The following CEP112 variants were observed in gnomAD, a reference collection of about 807,000 sequenced individuals.
CEP112 encodes the protein centrosomal protein of 112 kDa.
Under a neutral mutation model 153.0 loss-of-function variants are expected in CEP112, and 127 were observed. That is an observed-to-expected ratio of 0.83 (90% CI 0.72 to 0.96). CEP112 has a LOEUF of 0.96. Among genes scored for constraint, CEP112 ranks in the 40% least tolerant of loss-of-function variants. The pLI is 0.00. For missense variants in CEP112, 1,089 were observed against 1,101.2 expected, an observed-to-expected ratio of 0.99 and a Z score of 0.16; for synonymous variants, 358 against 374.4, an observed-to-expected ratio of 0.96 and a Z score of 0.51.
chr17:66,146,435 ATC>A (rs1302337881), intron 4 of CEP112, among the ~76,000 whole-genome samples: 1 of 152,040 alleles, frequency 6.6e-6, no homozygotes, highest in East Asian at 1.9e-4. Flanking sequence ...CATCTGTAGG[ATC>A]TGTGTCAAGT....
chr17:65,840,886 A>C (rs2057491141), intron 21 of CEP112, among the ~76,000 whole-genome samples: 1 of 152,142 alleles, frequency 6.6e-6, no homozygotes, highest in African/African-American at 2.4e-5. Flanking sequence ...AATTGCCAAC[A>C]GGGCATGTGA....
intron 11 of CEP112, among the ~76,000 whole-genome samples, chr17:66,060,038 G>A (rs1157871850): frequency 1.3e-5 from 2 of 152,032 alleles, no homozygotes; most frequent in African/African-American, 4.8e-5. Flanking sequence ...GCAAATTAAT[G>A]CAGAAATAGA....
intron 12 of CEP112, among the ~76,000 whole-genome samples, chr17:66,042,217 G>A (rs537634380): frequency 6.6e-6 from 1 of 152,192 alleles, no homozygotes; most frequent in East Asian, 1.9e-4. Flanking sequence ...GGGCATGGTG[G>A]CACACACCTG....
chr17:65,826,640 G>C, intron 21 of CEP112: 1 of 900,940 alleles, frequency 1.1e-6, no homozygotes, highest in Non-Finnish European at 1.4e-6. Context: ...CTAGGACTTA[G>C]GGACAAGGCA....
chr17:65,953,857 G>C (rs1333451924), intron 18 of CEP112, among the ~76,000 whole-genome samples: 1 of 152,070 alleles, frequency 6.6e-6, no homozygotes, highest in African/African-American at 2.4e-5. Context: ...CCCACCTAGT[G>C]GTCTTTCTCT....
At chr17:65,851,709 T>C (rs1368083583) in intron 21 of CEP112, 95 bp downstream of exon 21, 2 of 858,062 alleles carry the variant, frequency 2.3e-6, no homozygotes, top group African/African-American at 3.4e-5. Flanking sequence ...TAATGCCATG[T>C]CTACTACCTT....
intron 24 of CEP112, among the ~76,000 whole-genome samples, chr17:65,651,292 T>C (rs2045759100): frequency 6.6e-6 from 1 of 152,220 alleles, no homozygotes. Context: ...GGCTGAGTAG[T>C]ATTCTATTGC....
At chr17:65,766,223 A>G (rs535079310) in intron 21 of CEP112, among the ~76,000 whole-genome samples, 1 of 136,346 alleles carries the variant, frequency 7.3e-6, no homozygotes, top group East Asian at 2.0e-4. Context: ...TGCAATAGAG[A>G]GCTTCAACAG....
intron 4 of CEP112, among the ~76,000 whole-genome samples, chr17:66,159,801 T>C (rs1374927727): frequency 6.6e-6 from 1 of 152,114 alleles, no homozygotes; most frequent in Non-Finnish European, 1.5e-5. Flanking sequence ...TAAGACAAGA[T>C]GACCTCTCTC....
At chr17:66,081,015 G>T (rs1194218349) in intron 8 of CEP112, among the ~76,000 whole-genome samples, 1 of 152,022 alleles carries the variant, frequency 6.6e-6, no homozygotes, top group Non-Finnish European at 1.5e-5. Context: ...ACTGTCAGGG[G>T]GTAGGGGGCT....
At chr17:65,844,677 A>C (rs1242595049) in intron 21 of CEP112, among the ~76,000 whole-genome samples, 1 of 137,204 alleles carries the variant, frequency 7.3e-6, no homozygotes, top group Non-Finnish European at 1.6e-5. Flanking sequence ...ACTCTATCTC[A>C]AAAAAAAAAA....
At chr17:65,716,482 C>T (rs1057160817) in intron 23 of CEP112, among the ~76,000 whole-genome samples, 4 of 151,822 alleles carry the variant, frequency 2.6e-5, no homozygotes, top group East Asian at 1.9e-4. Flanking sequence ...TTTAAGAGTT[C>T]GATGGTTGAA....
chr17:65,741,462 T>A (rs971760064), intron 23 of CEP112, among the ~76,000 whole-genome samples: 2 of 151,218 alleles, frequency 1.3e-5, no homozygotes, highest in Non-Finnish European at 3.0e-5. Context: ...TACATATAGT[T>A]TTTATATATA....
At chr17:66,132,795 T>C in intron 4 of CEP112, 32 bp from the exon 5 acceptor site, 2 of 1,405,112 alleles carry the variant, frequency 1.4e-6, no homozygotes, top group Non-Finnish European at 2.0e-6. Context: ...AATCACAATT[T>C]GGAGAATTCA....
intron 17 of CEP112, among the ~76,000 whole-genome samples, chr17:65,963,393 G>C (rs962689791): frequency 6.6e-6 from 1 of 152,046 alleles, no homozygotes; most frequent in South Asian, 2.1e-4. Context: ...AAAGTAATAC[G>C]AGTTTTTCCA....
chr17:66,005,728 ATCT>A lies in CEP112; in HGVS notation c.1695_1697del (p.Glu565del). 6.2e-7 allele frequency: 1 copy of A among 1,610,030 alleles called. No homozygotes were observed. The highest frequency in any genetic ancestry group is 8.5e-7 in the Non-Finnish European group (1 of 1,178,838). On this transcript the variant is annotated inframe_deletion, in exon 17 of 27. Transcript: ENST00000535342. ...CAAATTTATGAATTTTCTTTTGAGT[ATCT>A]TCTTTTCCTTTATCAAGTTCACTCT...
chr17:65,703,457 G>A (rs1333728738), intron 23 of CEP112, among the ~76,000 whole-genome samples: 3 of 149,324 alleles, frequency 2.0e-5, no homozygotes, highest in African/African-American at 7.4e-5. Flanking sequence ...GTTGCAGTGA[G>A]TCGAGATTGT....
chr17:65,640,490 A>C (rs2045071997), intron 25 of CEP112, among the ~76,000 whole-genome samples: 1 of 152,128 alleles, frequency 6.6e-6, no homozygotes. Context: ...ATTTAACCTA[A>C]TTGTTTGAAT....
At chr17:65,959,679 G>T (rs1232534050) in intron 18 of CEP112, among the ~76,000 whole-genome samples, 2 of 152,192 alleles carry the variant, frequency 1.3e-5, no homozygotes, top group East Asian at 3.9e-4. Flanking sequence ...ATTCCCCAGT[G>T]ACAGTTGTGG....
Sources: gnomAD v4.1 joint callset for allele counts (sites outside exome capture counted in the v4.1 genomes callset) on GRCh38, gnomAD v4.1.1 for gene constraint, MANE v1.5 for transcripts, NCBI Gene and HGNC (gene_info 2026-07-23, HGNC 2026-07-21) for gene names.